The following HMCN2 variants were observed in gnomAD, a reference collection of about 807,000 sequenced individuals.
HMCN2 encodes the protein hemicentin-2.
In HMCN2, 325 loss-of-function variants were observed where a neutral mutation model predicts 377.5. The ratio of observed to expected loss-of-function variants is 0.86; its 90% CI spans 0.79 to 0.94. The LOEUF (loss-of-function observed/expected upper bound fraction) is 0.94, where lower values mean the gene tolerates loss of function less well. HMCN2 is among the 40% of genes least tolerant of loss of function. The probability of loss-of-function intolerance (pLI) is 0.00; values close to 1 mark genes in which losing one functional copy is unlikely to be tolerated. For synonymous variants in HMCN2, 2,007 were observed against 2,046.8 expected, an observed-to-expected ratio of 0.98 and a Z score of 0.53; for missense variants, 4,543 against 4,725.3, an observed-to-expected ratio of 0.96 and a Z score of 1.13.
At position 130,382,254 on chromosome 9, in the gene HMCN2, C is replaced by T. The variant is rs574838615; in HGVS notation, c.8502C>T (p.Asn2834=). Residue 2834 remains asparagine (N), a synonymous_variant, in exon 55 of 98, where the codon AAC becomes AAT. Transcript: ENST00000683500. ...NAGRYSCKAS[N]EVGEDWLHYE... Reference sequence around the variant, plus strand: ...GGAGGTACTCGTGCAAGGCCTCCAACGAGGTGGGCGAGGACTGGCTGCACT... The same window carrying T: ...GGAGGTACTCGTGCAAGGCCTCCAATGAGGTGGGCGAGGACTGGCTGCACT... 1.7e-5 allele frequency: 17 copies of T among 985,846 alleles called. No individual in the cohort carries two copies. Among genetic ancestry groups the T allele is most frequent in the Non-Finnish European group, 1.8e-5 (15 of 829,944 alleles). The allele number at this position is 985,846 out of a possible 1,614,324, so 61.1% of individuals were successfully genotyped here.
chr9:130,384,569 G>T (rs879448365), intron 58 of HMCN2, 35 bp downstream of exon 58: 3 of 1,304,034 alleles, frequency 2.3e-6, no homozygotes, highest in Non-Finnish European at 2.0e-6. Context: ...CAGCTCTAAG[G>T]TTACATGGGG....
At chr9:130,390,570 G>A (rs1226626001) in intron 62 of HMCN2, among the ~76,000 whole-genome samples, 1 of 152,234 alleles carries the variant, frequency 6.6e-6, no homozygotes, top group Non-Finnish European at 1.5e-5. Flanking sequence ...GGAGTGGGAG[G>A]AGCCCGAGCA....
chr9:130,279,649 G>A (rs1460152970), intron 1 of HMCN2, among the ~76,000 whole-genome samples: 2 of 152,152 alleles, frequency 1.3e-5, no homozygotes, highest in East Asian at 1.9e-4. Context: ...CACCGTGCCC[G>A]GCCCTCAACA....
intron 56 of HMCN2, among the ~76,000 whole-genome samples, 178 bp from the exon 57 acceptor site, chr9:130,383,326 A>G (rs903164251): frequency 6.6e-6 from 1 of 151,852 alleles, no homozygotes; most frequent in Non-Finnish European, 1.5e-5. Context: ...CCAACCTCAC[A>G]CGCCCGCTCC....
chr9:130,277,739 TCAC>T (rs1411933900), intron 1 of HMCN2, among the ~76,000 whole-genome samples: 39 of 130,720 alleles, frequency 3.0e-4, no homozygotes, highest in Admixed American at 5.4e-4. Context: ...ACCATCATCA[TCAC>T]CACCACCACC....
intron 31 of HMCN2, 139 bp downstream of exon 31, chr9:130,353,344 A>T: frequency 1.5e-6 from 1 of 679,280 alleles, no homozygotes; most frequent in Non-Finnish European, 2.1e-6. Flanking sequence ...CCAAGACATT[A>T]TCTAGGGAGA....
At position 130,360,639 on chromosome 9, in the gene HMCN2, A is replaced by G; in HGVS notation, c.5950+35A>G. ...CCTGGGCCTACAAGGTCCCTTGTCC[A>G]AAAAGTTGTCTTTTCATTCATTTGT... On this transcript the variant is annotated intron_variant, in intron 38 of 97. Transcript: ENST00000683500. This position sits in a 1 kb window ranked among gnomAD's most constrained non-coding sequence, Gnocchi z 4.7. 1 of 1,240,942 alleles carries G rather than the reference A, an allele frequency of 8.1e-7. No homozygotes were observed. The allele number at this position is 1,240,942 out of a possible 1,614,324, so 76.9% of individuals were successfully genotyped here.
chr9:130,273,741 G>A (rs567388624), intron 1 of HMCN2, among the ~76,000 whole-genome samples: 139 of 152,176 alleles, frequency 9.1e-4, no homozygotes, highest in African/African-American at 2.7e-3. Flanking sequence ...CAGGTGATTC[G>A]CCTGCCTCAG....
At chr9:130,305,148 G>A (rs1554936262) in intron 11 of HMCN2, 146 bp downstream of exon 11, 1 of 364,520 alleles carries the variant, frequency 2.7e-6, no homozygotes, top group African/African-American at 2.1e-5. Context: ...CTTTCAGGGA[G>A]AGAGAATACT....
chr9:130,273,560 C>T (rs1834513820), intron 1 of HMCN2, among the ~76,000 whole-genome samples: 1 of 151,332 alleles, frequency 6.6e-6, no homozygotes, highest in Admixed American at 6.6e-5. Context: ...TGCAGTGGTG[C>T]AGTCTCAGCT....
intron 19 of HMCN2, among the ~76,000 whole-genome samples, chr9:130,322,630 C>T (rs1464196917): frequency 2.0e-5 from 3 of 152,174 alleles, no homozygotes; most frequent in African/African-American, 7.2e-5. Flanking sequence ...TGAACAGCCT[C>T]GTACCTACAC....
chr9:130,300,333 C>T (rs1554933941), intron 8 of HMCN2, among the ~76,000 whole-genome samples: 2 of 152,240 alleles, frequency 1.3e-5, no homozygotes, highest in Non-Finnish European at 2.9e-5. Context: ...ATGTACCAGT[C>T]ATGGTGCTAG....
At chr9:130,391,179 G>A in intron 63 of HMCN2, 25 bp from the exon 64 acceptor site, 2 of 988,044 alleles carry the variant, frequency 2.0e-6, no homozygotes, top group South Asian at 4.7e-5. Context: ...CCATCACCCA[G>A]GGCCTCACTG....
chr9:130,326,861 C>G (rs1351955116), intron 21 of HMCN2, among the ~76,000 whole-genome samples: 1 of 152,182 alleles, frequency 6.6e-6, no homozygotes, highest in Non-Finnish European at 1.5e-5. Flanking sequence ...CCATCAATCC[C>G]TCACCAGGCT....
chr9:130,349,199 C>T (rs1839559746), intron 28 of HMCN2, 68 bp downstream of exon 28: 4 of 1,264,376 alleles, frequency 3.2e-6, no homozygotes, highest in African/African-American at 1.5e-5. Flanking sequence ...CTTGCAGGCA[C>T]ACCGGGGGAG....
rs999630069 is a variant in HMCN2 at position 130,308,201 on chromosome 9, C to T, written c.2200+635C>T. Reference sequence around the variant, plus strand: ...GGAACTCCTGACCTCAGGTGACCCACTCGCCTCGGCTTCCCAAAGTGCTGG... The same window carrying T: ...GGAACTCCTGACCTCAGGTGACCCATTCGCCTCGGCTTCCCAAAGTGCTGG... On this transcript the variant is annotated intron_variant, in intron 14 of 97. Transcript: ENST00000683500. The surrounding 1 kb of genome is among the most constrained non-coding windows in gnomAD (Gnocchi z 4.1). Among the ~76,000 whole-genome samples the T allele has an allele frequency of 6.6e-6, 1 of 152,222 alleles. No homozygotes were observed. Among genetic ancestry groups the T allele is most frequent in the Non-Finnish European group, 1.5e-5 (1 of 68,038 alleles).
intron 19 of HMCN2, among the ~76,000 whole-genome samples, chr9:130,322,289 A>ATAAGCCTGTT (rs1837891238): frequency 6.6e-6 from 1 of 152,148 alleles, no homozygotes; most frequent in African/African-American, 2.4e-5. Context: ...CTTATAAATT[A>ATAAGCCTGTT]CATAAAAATT....
rs1588205979 is a variant in HMCN2 at position 130,303,058 on chromosome 9, C to T, written c.1421+57C>T. The stretch of plus-strand genomic sequence containing the variant: ...GCCACAGGGCTCCTGGCTGCTGAGG[C>T]CCTGGAGGGATCTCAGGGGAGTGGG... On this transcript the variant is annotated intron_variant, in intron 9 of 97. Transcript: ENST00000683500. This position sits in a 1 kb window ranked among gnomAD's most constrained non-coding sequence, Gnocchi z 5.2. The T allele has an allele frequency of 4.7e-6, 2 of 423,742 alleles. No homozygotes were observed. The highest frequency in any genetic ancestry group is 2.0e-5 in the African/African-American group (1 of 49,144). 26.2% of individuals were successfully genotyped at this position (423,742 alleles called of 1,614,324 possible).
At chr9:130,320,671 G>T (rs1837800584) in intron 17 of HMCN2, 105 bp from the exon 18 acceptor site, 1 of 152,308 alleles carries the variant, frequency 6.6e-6, no homozygotes, top group Non-Finnish European at 1.5e-5. Context: ...CAATTCTGAT[G>T]CATCTCTCAG....
Sources: allele counts gnomAD v4.1 joint callset (sites outside exome capture counted in the v4.1 genomes callset), GRCh38; gene constraint gnomAD v4.1.1; non-coding constraint Gnocchi (gnomAD v3.1); transcripts MANE v1.5; gene names NCBI Gene and HGNC (gene_info 2026-07-23, HGNC 2026-07-21).